The following CNTROB variants were observed in gnomAD, a reference collection of about 807,000 sequenced individuals.
The protein encoded by CNTROB is centrobin, centriole duplication and spindle assembly protein.
Under a neutral mutation model 115.7 loss-of-function variants are expected in CNTROB, and 82 were observed. That is an observed-to-expected ratio of 0.71 (90% CI 0.59 to 0.85). CNTROB has a LOEUF of 0.85. Among genes scored for constraint, CNTROB ranks in the 40% least tolerant of loss-of-function variants. The probability of loss-of-function intolerance (pLI) is 0.00; values close to 1 mark genes in which losing one functional copy is unlikely to be tolerated. For missense variants in CNTROB, 1,014 were observed against 1,144.4 expected (o/e 0.89, Z 1.64); for synonymous variants, 439 against 456.4 (o/e 0.96, Z 0.49).
chr17:7,945,918 G>C lies in CNTROB; in HGVS notation c.1925G>C (p.Gly642Ala). 1 of 1,614,040 alleles carries C rather than the reference G, an allele frequency of 6.2e-7. No homozygotes were observed. The highest frequency in any genetic ancestry group is 8.5e-7 in the Non-Finnish European group (1 of 1,179,934). The change falls in exon 13 of 19, where the codon GGC (glycine) becomes GCC (alanine). Residue 642 changes from glycine to alanine, a missense_variant. Transcript: ENST00000563694. Reference protein sequence around the residue: ...SSSSDLSLLLGPSFQSQHSFQ... With the variant: ...SSSSDLSLLLAPSFQSQHSFQ... The stretch of plus-strand genomic sequence containing the variant: ...TCCTCAGATCTTAGCCTCCTGTTGG[G>C]CCCCTCTTTTCAGAGCCAGCATTCT...
Position 7,934,496 on chromosome 17 carries a change from G to A in CNTROB, c.387G>A (p.Glu129=), listed in dbSNP as rs1465948076. 3.1e-6 allele frequency: 5 copies of A among 1,614,186 alleles called. No homozygotes were observed. The highest frequency in any genetic ancestry group is 1.3e-5 in the African/African-American group (1 of 75,044). ...CTCTCATTCCTGGCGCTGGCTCAGA[G>A]AGACGGGAAGAGGACTCCTTTGACA... The part of the protein sequence containing the change: ...RDPLIPGAGS[E]RREEDSFDSD... The change falls in exon 3 of 19, where the codon GAG becomes GAA. Residue 129 remains glutamate, a synonymous_variant. Transcript: ENST00000563694.
In CNTROB at chr17:7,949,152, A is replaced by G; in HGVS notation, c.2581A>G (p.Lys861Glu). 6.2e-7 allele frequency: 1 copy of G among 1,613,994 alleles called. No homozygotes were observed. Among genetic ancestry groups the G allele is most frequent in the Non-Finnish European group, 8.5e-7 (1 of 1,179,928 alleles). The change falls in exon 18 of 19, where the codon AAA becomes GAA. Residue 861 changes from lysine to glutamate, a missense_variant. Transcript: ENST00000563694. ...TDSRLGEIPR[K>E]EIPSQAVPRR... Reference sequence around the variant, plus strand: ...CTCCCGCTTGGGTGAGATCCCCCGGAAAGAGGTGAGGGAAAGTCAGGCAGG... The same window carrying G: ...CTCCCGCTTGGGTGAGATCCCCCGGGAAGAGGTGAGGGAAAGTCAGGCAGG...
chr17:7,948,822 A>G lies in CNTROB; in HGVS notation c.2513+203A>G, dbSNP rs559829484. 7.5e-6 allele frequency: 11 copies of G among 1,466,084 alleles called. No individual in the cohort carries two copies. Among genetic ancestry groups the G allele is most frequent in the Admixed American group, 2.7e-5 (1 of 37,384 alleles). 90.8% of individuals were successfully genotyped at this position (1,466,084 alleles called of 1,614,324 possible). A position where few individuals can be genotyped will look rare whatever the true frequency, so the allele number is the denominator to read the frequency against. The stretch of plus-strand genomic sequence containing the variant: ...CCTTTCTATTGCTTTTTTCTTCTAA[A>G]CAAAAAAATCTTTTCCCCGGGTCTC... On this transcript the variant is annotated intron_variant, in intron 17 of 18. Coordinates refer to ENST00000563694, the MANE Select transcript of CNTROB (RefSeq NM_053051.5). The surrounding 1 kb of genome is among the most constrained non-coding windows in gnomAD (Gnocchi z 4.4).
chr17:7,946,605 C>T (rs1027733912), intron 13 of CNTROB, among the ~76,000 whole-genome samples: 4 of 152,142 alleles, frequency 2.6e-5, no homozygotes, highest in African/African-American at 9.7e-5. Flanking sequence ...CAGTGGCTCA[C>T]GCCTGTAATG....
Position 7,947,602 on chromosome 17 carries a change from TCC to T in CNTROB, c.2027_2028del (p.Pro676ArgfsTer3). Reference sequence around the variant, plus strand: ...CCTTCTCTGCACTTGGGGCCTTCCATCCCGATCATAGGGCAGAAAGGCCATTC... The same window carrying T: ...CCTTCTCTGCACTTGGGGCCTTCCATCGATCATAGGGCAGAAAGGCCATTC... ...GAFSALGAFH[P>X]DHRAERPFPE... On this transcript the variant is annotated frameshift_variant, in exon 14 of 19. Transcript: ENST00000563694. LOFTEE classifies it high-confidence loss of function. 6.2e-7 allele frequency: 1 copy of T among 1,612,774 alleles called. No homozygotes were observed. Among genetic ancestry groups the T allele is most frequent in the Non-Finnish European group, 8.5e-7 (1 of 1,178,966 alleles).
rs1260435683 is a variant in CNTROB, at chr17:7,949,526, CTCCTCTT to C, written c.*18_*24del. The C allele has an allele frequency of 1.6e-5, 26 of 1,594,352 alleles. No homozygotes were observed. The highest frequency in any genetic ancestry group is 2.1e-5 in the Non-Finnish European group (25 of 1,171,698). ...CTGGAGATGAGCCCCCCTACCCTCT[CTCCTCTT>C]TGTTCTCTCATTGTTGTTATTTTAA... On this transcript the variant is annotated 3_prime_UTR_variant, in exon 19 of 19. Transcript: ENST00000563694.
Position 7,944,748 on chromosome 17 carries a change from G to A in CNTROB, c.1734+110G>A. On this transcript the variant is annotated intron_variant, in intron 12 of 18. Transcript: ENST00000563694. This position sits in a 1 kb window ranked among gnomAD's most constrained non-coding sequence, Gnocchi z 4.0. Reference sequence around the variant, plus strand: ...GCTGGAGTGTACTGGTGAGATCATAGCTCATTGCAGCCTCGAACTCCTGGG... The same window carrying A: ...GCTGGAGTGTACTGGTGAGATCATAACTCATTGCAGCCTCGAACTCCTGGG... 5.4e-6 allele frequency: 7 copies of A among 1,288,172 alleles called. No individual in the cohort carries two copies. The highest frequency in any genetic ancestry group is 6.3e-6 in the Non-Finnish European group (6 of 952,444). The allele number at this position is 1,288,172 out of a possible 1,614,324, so 79.8% of individuals were successfully genotyped here.
At chr17:7,933,995 CT>C in intron 1 of CNTROB, 142 bp from the exon 2 acceptor site, 2 of 645,558 alleles carry the variant, frequency 3.1e-6, no homozygotes, top group South Asian at 3.7e-5. Context: ...ATTTGAATTT[CT>C]GATTCAAGTT....
At position 7,939,122 on chromosome 17, in the gene CNTROB, G is replaced by A. The variant is rs1973540009; in HGVS notation, c.928-391G>A. Among the ~76,000 whole-genome samples the A allele has an allele frequency of 6.6e-6, 1 of 151,280 alleles. No homozygotes were observed. The highest frequency in any genetic ancestry group is 1.5e-5 in the Non-Finnish European group (1 of 67,886). Reference sequence around the variant, plus strand: ...TTGGTTTTATTTGAGATGGAGTCTTGCTCGATGTCGCCTAGGCTGGAGTGC... The same window carrying A: ...TTGGTTTTATTTGAGATGGAGTCTTACTCGATGTCGCCTAGGCTGGAGTGC... On this transcript the variant is annotated intron_variant, in intron 7 of 18. Coordinates refer to ENST00000563694, the MANE Select transcript of CNTROB (RefSeq NM_053051.5). The surrounding 1 kb of genome is among the most constrained non-coding windows in gnomAD (Gnocchi z 4.4).
chr17:7,949,261 T>C (rs1160210137), intron 18 of CNTROB, 104 bp downstream of exon 18: 8 of 1,571,552 alleles, frequency 5.1e-6, no homozygotes, highest in Non-Finnish European at 5.2e-6. Context: ...ACCCCTGCAT[T>C]CTGTAGCATG....
intron 9 of CNTROB, 73 bp downstream of exon 9, chr17:7,940,315 T>A: frequency 7.1e-7 from 1 of 1,409,100 alleles, no homozygotes; most frequent in Non-Finnish European, 9.5e-7. Flanking sequence ...CTCTCAGGAG[T>A]TGTGGCAGAC....
In CNTROB at chr17:7,937,187, C is replaced by G. The variant is rs1973282414; in HGVS notation, c.852C>G (p.Ser284Arg). The change falls in exon 7 of 19, where the codon AGC (serine) becomes AGG (arginine). Residue 284 changes from serine to arginine, a missense_variant. Coordinates refer to ENST00000563694, the MANE Select transcript of CNTROB (RefSeq NM_053051.5). The stretch of plus-strand genomic sequence containing the variant: ...AGACAGTAACCCGCCTGGAACAAAG[C>G]CTTTCTGAGGCCATGGAGGCCCTGA... ...QQETVTRLEQ[S>R]LSEAMEALNR... The G allele has an allele frequency of 6.2e-7, 1 of 1,614,158 alleles. No homozygotes were observed. The highest frequency in any genetic ancestry group is 8.5e-7 in the Non-Finnish European group (1 of 1,180,004).
In CNTROB at chr17:7,948,883, C is replaced by G; in HGVS notation, c.2514-202C>G. 2 of 1,459,228 alleles carry G rather than the reference C, an allele frequency of 1.4e-6. No individual in the cohort carries two copies. Among genetic ancestry groups the G allele is most frequent in the Non-Finnish European group, 1.8e-6 (2 of 1,105,842 alleles). The allele number at this position is 1,459,228 out of a possible 1,614,324, so 90.4% of individuals were successfully genotyped here. A position where few individuals can be genotyped will look rare whatever the true frequency, so the allele number is the denominator to read the frequency against. On this transcript the variant is annotated intron_variant, in intron 17 of 18. Coordinates refer to ENST00000563694, the MANE Select transcript of CNTROB (RefSeq NM_053051.5). The surrounding 1 kb of genome is among the most constrained non-coding windows in gnomAD (Gnocchi z 4.4). ...TTTTTTTCCTCTTTACCCCTCAGCT[C>G]AAAACTCAGAATCCTAGACTTTTGA...
chr17:7,940,150 T>C lies in CNTROB; in HGVS notation c.1219T>C (p.Leu407=). The C allele has an allele frequency of 1.1e-5, 17 of 1,611,352 alleles. No individual in the cohort carries two copies. The highest frequency in any genetic ancestry group is 6.6e-5 in the South Asian group (6 of 90,946). The change falls in exon 9 of 19, where the codon TTG becomes CTG. Residue 407 remains leucine (L), a synonymous_variant. Transcript: ENST00000563694. ...AAWETQHQLA[L]VQSEVRRLEG... ...CTGGGAGACCCAGCACCAGTTGGCATTGGTGCAGTCTGAGGTGCGGCGGCT... is the reference window on the plus strand; with the variant it reads ...CTGGGAGACCCAGCACCAGTTGGCACTGGTGCAGTCTGAGGTGCGGCGGCT...
chr17:7,946,165 T>C (rs529288452), intron 13 of CNTROB, among the ~76,000 whole-genome samples, 179 bp downstream of exon 13: 4 of 152,218 alleles, frequency 2.6e-5, no homozygotes, highest in Non-Finnish European at 5.9e-5. Flanking sequence ...TGAGATCTCA[T>C]GGAAATATGA....
At chr17:7,946,682 A>G (rs1453667814) in intron 13 of CNTROB, among the ~76,000 whole-genome samples, 2 of 152,150 alleles carry the variant, frequency 1.3e-5, no homozygotes, top group African/African-American at 4.8e-5. Flanking sequence ...AGTCTGACCC[A>G]TATAGTGAGA....
chr17:7,934,641 T>C (rs1441490271), intron 3 of CNTROB, 95 bp downstream of exon 3: 2 of 1,110,908 alleles, frequency 1.8e-6, no homozygotes, highest in East Asian at 2.4e-5. Flanking sequence ...TTGTACCTCT[T>C]AAGAACCCAA....
chr17:7,944,749 CT>C lies in CNTROB; in HGVS notation c.1734+112del, dbSNP rs1363766001. 13 of 1,284,726 alleles carry C rather than the reference CT, an allele frequency of 1.0e-5. No homozygotes were observed. In the African/African-American group the frequency reaches 1.6e-4, roughly 16 times the overall value. 79.6% of individuals were successfully genotyped at this position (1,284,726 alleles called of 1,614,324 possible). On this transcript the variant is annotated intron_variant, in intron 12 of 18. Transcript: ENST00000563694. This position sits in a 1 kb window ranked among gnomAD's most constrained non-coding sequence, Gnocchi z 4.0. The stretch of plus-strand genomic sequence containing the variant: ...CTGGAGTGTACTGGTGAGATCATAG[CT>C]CATTGCAGCCTCGAACTCCTGGGCT...
rs778984948 is a variant in CNTROB, at chr17:7,934,152, T to C, written c.285T>C (p.His95=). The C allele has an allele frequency of 1.9e-6, 3 of 1,614,160 alleles. No individual in the cohort carries two copies. The highest frequency in any genetic ancestry group is 2.2e-5 in the South Asian group (2 of 91,084). Reference sequence around the variant, plus strand: ...CTTTTTTCCAGGATGGTTCTAAGCATATCTTTGAGATGGAAAGTGTTCGGG... The same window carrying C: ...CTTTTTTCCAGGATGGTTCTAAGCACATCTTTGAGATGGAAAGTGTTCGGG... The part of the protein sequence containing the change: ...KNLKKKDGSK[H]IFEMESVRGQ... The change falls in exon 2 of 19, where the codon CAT becomes CAC. Residue 95 remains histidine (H), a synonymous_variant. Coordinates refer to ENST00000563694, the MANE Select transcript of CNTROB (RefSeq NM_053051.5).
Sources: gnomAD v4.1 joint callset for allele counts (sites outside exome capture counted in the v4.1 genomes callset) on GRCh38, gnomAD v4.1.1 for gene constraint, Gnocchi (gnomAD v3.1) non-coding constraint, MANE v1.5 for transcripts, NCBI Gene and HGNC (gene_info 2026-07-23, HGNC 2026-07-21) for gene names.